The following MAD1L1 variants were observed in gnomAD, a reference collection of about 807,000 sequenced individuals.
MAD1L1 encodes the protein mitotic arrest deficient 1 like 1, also known as mitotic spindle assembly checkpoint protein MAD1.
A neutral mutation model predicts 96.9 loss-of-function variants in MAD1L1; 95 were observed. That is an observed-to-expected ratio of 0.98 (90% CI 0.83 to 1.16). The LOEUF (loss-of-function observed/expected upper bound fraction) is 1.16, where lower values mean the gene tolerates loss of function less well. Among genes scored for constraint, MAD1L1 ranks in the 50% most tolerant of loss-of-function variants. MAD1L1 has a pLI of 0.00. For missense variants in MAD1L1, 1,007 were observed against 954.4 expected, an observed-to-expected ratio of 1.06 and a Z score of -0.73; for synonymous variants, 473 against 396.6, an observed-to-expected ratio of 1.19 and a Z score of -2.29.
intron 12 of MAD1L1, among the ~76,000 whole-genome samples, chr7:2,029,270 C>T (rs1329574251): frequency 6.6e-6 from 1 of 152,094 alleles, no homozygotes; most frequent in African/African-American, 2.4e-5. Flanking sequence ...CGTGATATAC[C>T]CATAAGATAG....
chr7:2,143,009 C>T (rs184366563), intron 11 of MAD1L1, among the ~76,000 whole-genome samples: 219 of 152,310 alleles, frequency 1.4e-3, no homozygotes, highest in African/African-American at 5.0e-3. Context: ...AAAACTTACC[C>T]CTGCCATGCC....
rs551569137 is a variant in MAD1L1 at position 1,980,496 on chromosome 7, C to G, written c.1462G>C (p.Glu488Gln). 6.2e-7 allele frequency: 1 copy of G among 1,601,918 alleles called. No homozygotes were observed. The highest frequency in any genetic ancestry group is 1.7e-5 in the Admixed American group (1 of 58,598). Reference sequence around the variant, plus strand: ...TCCCTGGAGAACAGGAAGCTCTGTTCGGCAGAGCTGGACTGAGACTTCAGC... The same window carrying G: ...TCCCTGGAGAACAGGAAGCTCTGTTGGGCAGAGCTGGACTGAGACTTCAGC... ...KMLKSQSSSA[E>Q]QSFLFSREEA... The change falls in exon 15 of 19, where the codon GAA becomes CAA. Residue 488 changes from glutamate (E) to glutamine (Q), a missense_variant. Transcript: ENST00000265854.
At chr7:1,943,732 C>CA (rs1779104615) in intron 16 of MAD1L1, among the ~76,000 whole-genome samples, 1 of 148,620 alleles carries the variant, frequency 6.7e-6, no homozygotes, top group African/African-American at 2.5e-5. Flanking sequence ...CAGTCCCAGG[C>CA]AGACCCCCGA....
chr7:2,136,255 A>T (rs1218434968), intron 11 of MAD1L1, among the ~76,000 whole-genome samples: 1 of 152,226 alleles, frequency 6.6e-6, no homozygotes, highest in Non-Finnish European at 1.5e-5. Context: ...TTGAAAAAGC[A>T]TCGCCCTGAT....
At chr7:2,039,192 T>C (rs1162478134) in intron 12 of MAD1L1, among the ~76,000 whole-genome samples, 1 of 152,220 alleles carries the variant, frequency 6.6e-6, no homozygotes, top group Non-Finnish European at 1.5e-5. Context: ...AGTATGTTTA[T>C]CCACAGTGAA....
chr7:2,006,412 G>C (rs1782032094), intron 13 of MAD1L1, among the ~76,000 whole-genome samples: 1 of 152,204 alleles, frequency 6.6e-6, no homozygotes, highest in Non-Finnish European at 1.5e-5. Context: ...TGTGGAGGGA[G>C]GGTGTGAGAA....
intron 15 of MAD1L1, among the ~76,000 whole-genome samples, chr7:1,966,192 T>TG (rs1424041770): frequency 1.3e-5 from 2 of 152,248 alleles, no homozygotes; most frequent in African/African-American, 4.8e-5. Context: ...AGAAGGTCGC[T>TG]GGGACCTGGG....
chr7:2,230,013 G>C lies in MAD1L1; in HGVS notation c.121C>G (p.Leu41Val), dbSNP rs374905475. The C allele has an allele frequency of 2.7e-5, 43 of 1,613,348 alleles. No homozygotes were observed. The highest frequency in any genetic ancestry group is 3.4e-5 in the Non-Finnish European group (40 of 1,180,026). Residue 41 changes from leucine (L) to valine (V), a missense_variant, in exon 3 of 19, where the codon CTG becomes GTG. Transcript: ENST00000265854. ...LDISTSAPGS[L>V]QMQYQQSMQL... Reference sequence around the variant, plus strand: ...ATGCTCTGCTGGTACTGCATCTGCAGAGAACCTGGGGCCGAGGTAGAAATA... The same window carrying C: ...ATGCTCTGCTGGTACTGCATCTGCACAGAACCTGGGGCCGAGGTAGAAATA...
At chr7:2,083,665 G>T (rs139899129) in intron 11 of MAD1L1, among the ~76,000 whole-genome samples, 159 of 152,382 alleles carry the variant, frequency 1.0e-3, no homozygotes, top group African/African-American at 3.4e-3. Context: ...CGGACGCTAG[G>T]AAGACCTGGG....
chr7:2,031,648 A>G (rs1002671392), intron 12 of MAD1L1, among the ~76,000 whole-genome samples: 1 of 152,216 alleles, frequency 6.6e-6, no homozygotes, highest in Non-Finnish European at 1.5e-5. Context: ...GGGCACTGGG[A>G]CCATCCTGAC....
intron 18 of MAD1L1, among the ~76,000 whole-genome samples, chr7:1,890,166 G>A (rs539606735): frequency 3.9e-5 from 6 of 152,214 alleles, no homozygotes; most frequent in Non-Finnish European, 7.3e-5. Context: ...TCGGATCCCC[G>A]GGAGGGTCTC....
intron 13 of MAD1L1, among the ~76,000 whole-genome samples, chr7:2,010,020 T>A (rs1221575206): frequency 1.3e-5 from 2 of 151,102 alleles, no homozygotes; most frequent in African/African-American, 4.9e-5. Flanking sequence ...TCCAGGGTGG[T>A]TTCCATAAAC....
At chr7:1,936,226 G>GGT (rs1205031736) in intron 17 of MAD1L1, among the ~76,000 whole-genome samples, 2 of 152,234 alleles carry the variant, frequency 1.3e-5, no homozygotes, top group African/African-American at 4.8e-5. Context: ...AGACCTGGAG[G>GGT]GTGTGGGCAG....
intron 12 of MAD1L1, 31 bp downstream of exon 12, chr7:2,069,163 A>T: frequency 6.5e-7 from 1 of 1,539,354 alleles, no homozygotes. Context: ...GCTCCCTGCG[A>T]CTCTGATCAA....
intron 3 of MAD1L1, among the ~76,000 whole-genome samples, chr7:2,227,000 C>A (rs1220272915): frequency 7.4e-5 from 10 of 134,470 alleles, no homozygotes; most frequent in South Asian, 4.7e-4. Flanking sequence ...AAAAAAAAAA[C>A]AAAAGAATCT....
intron 11 of MAD1L1, among the ~76,000 whole-genome samples, chr7:2,139,051 C>T (rs1382077967): frequency 2.0e-5 from 3 of 152,168 alleles, no homozygotes; most frequent in Admixed American, 6.5e-5. Flanking sequence ...TCCTCCTCAG[C>T]AGACGCCCCG....
chr7:2,095,548 G>A (rs1786442861), intron 11 of MAD1L1, among the ~76,000 whole-genome samples: 1 of 152,212 alleles, frequency 6.6e-6, no homozygotes, highest in African/African-American at 2.4e-5. Flanking sequence ...TAAAGAGAAG[G>A]GCAGCGTAAC....
chr7:2,160,699 C>T (rs927918520), intron 10 of MAD1L1, among the ~76,000 whole-genome samples: 2 of 152,066 alleles, frequency 1.3e-5, no homozygotes, highest in African/African-American at 2.4e-5. Flanking sequence ...GTGACATGAC[C>T]TCAGCTCACT....
At chr7:1,904,992 G>A (rs1330803328) in intron 17 of MAD1L1, among the ~76,000 whole-genome samples, 1 of 89,126 alleles carries the variant, frequency 1.1e-5, no homozygotes, top group African/African-American at 4.4e-5. Flanking sequence ...TACGGAAGAC[G>A]CTCTTGAGGA....
Sources: allele counts gnomAD v4.1 joint callset (sites outside exome capture counted in the v4.1 genomes callset), GRCh38; gene constraint gnomAD v4.1.1; transcripts MANE v1.5; gene names NCBI Gene and HGNC (gene_info 2026-07-23, HGNC 2026-07-21).